N4BP2: variants seen among roughly 807,000 people sequenced by gnomAD.
The protein encoded by N4BP2 is NEDD4-binding protein 2.
A neutral mutation model predicts 152.8 loss-of-function variants in N4BP2; 91 were observed. That is an observed-to-expected ratio of 0.60 (90% confidence interval 0.50 to 0.71). The LOEUF (loss-of-function observed/expected upper bound fraction) is 0.71. Among genes scored for constraint, N4BP2 ranks in the 30% least tolerant of loss-of-function variants. The pLI is 0.00. For synonymous variants in N4BP2, 646 were observed against 705.3 expected (o/e 0.92, Z 1.33); for missense variants, 1,923 against 2,059.1 (o/e 0.93, Z 1.28).
At chr4:40,101,527 A>G (rs1285362528) in intron 3 of N4BP2, among the ~76,000 whole-genome samples, 1 of 152,168 alleles carries the variant, frequency 6.6e-6, no homozygotes, top group Non-Finnish European at 1.5e-5. Context: ...TTAAATCTCT[A>G]TTAGATTGCA....
At chr4:40,149,915 AAAAG>A (rs1411545204) in intron 16 of N4BP2, among the ~76,000 whole-genome samples, 2 of 151,948 alleles carry the variant, frequency 1.3e-5, no homozygotes, top group African/African-American at 2.4e-5. Context: ...AAAAAAAAAA[AAAAG>A]AAAGAAAAGA....
At chr4:40,080,355 A>AT (rs1272845175) in intron 2 of N4BP2, among the ~76,000 whole-genome samples, 305 of 144,468 alleles carry the variant, frequency 2.1e-3, no homozygotes, top group African/African-American at 6.4e-3. Context: ...TATATATATA[A>AT]TTTTTTTTTT....
intron 4 of N4BP2, among the ~76,000 whole-genome samples, chr4:40,104,007 T>C (rs1261236283): frequency 6.6e-6 from 1 of 152,044 alleles, no homozygotes; most frequent in Non-Finnish European, 1.5e-5. Flanking sequence ...CAGGCTGGAG[T>C]GCAGTGGCGC....
the N4BP2 span, among the ~76,000 whole-genome samples, chr4:40,181,133 G>A: frequency 6.6e-6 from 1 of 152,126 alleles, no homozygotes; most frequent in Non-Finnish European, 1.5e-5. Context: ...CTGGGTGACA[G>A]AGCGAGAGTC....
At chr4:40,131,027 T>A (rs1186786494) in intron 12 of N4BP2, among the ~76,000 whole-genome samples, 1 of 151,178 alleles carries the variant, frequency 6.6e-6, no homozygotes, top group Non-Finnish European at 1.5e-5. Flanking sequence ...TAAATATATT[T>A]GTGAAAAACT....
chr4:40,125,906 AT>A (rs375797305), intron 11 of N4BP2, among the ~76,000 whole-genome samples: 3,830 of 80,136 alleles, frequency 0.048, 118 homozygotes, highest in African/African-American at 0.098. Flanking sequence ...AAAAAAAAAA[AT>A]TATACACAGA....
chr4:40,070,709 G>A (rs1049655963), intron 1 of N4BP2, among the ~76,000 whole-genome samples: 8 of 151,820 alleles, frequency 5.3e-5, no homozygotes, highest in Middle Eastern at 3.2e-3. Context: ...CCTTGGCCTC[G>A]CAAAGTGCTG....
At chr4:40,187,354 A>C in the N4BP2 span, among the ~76,000 whole-genome samples, 7 of 114,878 alleles carry the variant, frequency 6.1e-5, no homozygotes, top group South Asian at 1.7e-3. Context: ...ACATTTGTGC[A>C]AAAAAAAATT....
rs1410771779 is a variant in N4BP2, at chr4:40,060,886, C to T, written c.-212+3856C>T. 3.3e-5 allele frequency among the ~76,000 whole-genome samples: 5 copies of T among 152,192 alleles called. No individual in the cohort carries two copies. In the South Asian group the frequency reaches 6.2e-4, roughly 19 times the overall value. Reference sequence around the variant, plus strand: ...TCCCAAGTTGCTGGGAATATGGGCCCGAGCCATCACGCCTGGCCTGTTTTT... The same window carrying T: ...TCCCAAGTTGCTGGGAATATGGGCCTGAGCCATCACGCCTGGCCTGTTTTT... On this transcript the variant is annotated intron_variant, in intron 1 of 17. Transcript: ENST00000261435.
the N4BP2 span, among the ~76,000 whole-genome samples, chr4:40,186,136 C>T: frequency 1.3e-5 from 2 of 152,066 alleles, no homozygotes; most frequent in African/African-American, 2.4e-5. Context: ...TCTGGAATCC[C>T]TTGTTTTTGG....
chr4:40,140,049 C>T (rs1719775413), intron 14 of N4BP2, among the ~76,000 whole-genome samples: 1 of 151,938 alleles, frequency 6.6e-6, no homozygotes, highest in Admixed American at 6.6e-5. Flanking sequence ...ACCTTGGCCT[C>T]CCAAAGTGCT....
chr4:40,117,934 T>C lies in N4BP2; in HGVS notation c.1730T>C (p.Val577Ala). The C allele has an allele frequency of 6.2e-7, 1 of 1,613,014 alleles. No individual in the cohort carries two copies. Among genetic ancestry groups the C allele is most frequent in the Non-Finnish European group, 8.5e-7 (1 of 1,179,476 alleles). Residue 577 changes from valine (V) to alanine (A), a missense_variant, in exon 8 of 18, where the codon GTT (valine) becomes GCT (alanine). Val to Ala is a moderately conservative substitution (Grantham distance 64). Coordinates refer to ENST00000261435, the MANE Select transcript of N4BP2 (RefSeq NM_018177.6). The stretch of plus-strand genomic sequence containing the variant: ...ATGTTGGAACATTATCAACGTTTTG[T>C]TTCAGTGCCAATAATTATGAGTTCT... ...TRMLEHYQRF[V>A]SVPIIMSSSV...
chr4:40,106,995 G>A lies in N4BP2; in HGVS notation c.1469G>A (p.Gly490Glu). 1.2e-6 allele frequency: 2 copies of A among 1,613,704 alleles called. No homozygotes were observed. Among genetic ancestry groups the A allele is most frequent in the East Asian group, 2.2e-5 (1 of 44,854 alleles). ...GQYQFDVKYL[G>E]EAHEWNQNRA... Reference sequence around the variant, plus strand: ...TACCAGTTTGATGTAAAGTACTTAGGAGAAGCACATGAATGGAACCAGAAT... The same window carrying A: ...TACCAGTTTGATGTAAAGTACTTAGAAGAAGCACATGAATGGAACCAGAAT... The change falls in exon 5 of 18, where the codon GGA becomes GAA. Residue 490 changes from glycine to glutamate, a missense_variant. Coordinates refer to ENST00000261435, the MANE Select transcript of N4BP2 (RefSeq NM_018177.6).
chr4:40,123,746 A>G (rs1473928574), intron 10 of N4BP2, among the ~76,000 whole-genome samples: 1 of 151,982 alleles, frequency 6.6e-6, no homozygotes, highest in Non-Finnish European at 1.5e-5. Context: ...TGGCCTCCCA[A>G]AGTGTTGGGA....
At chr4:40,058,427 G>C (rs192448340) in intron 1 of N4BP2, among the ~76,000 whole-genome samples, 56 of 152,296 alleles carry the variant, frequency 3.7e-4, no homozygotes, top group Non-Finnish European at 7.4e-4. Flanking sequence ...GCTAGGATGG[G>C]GGGTAGGAGC....
At chr4:40,086,740 TA>T (rs528567991) in intron 2 of N4BP2, among the ~76,000 whole-genome samples, 5 of 152,038 alleles carry the variant, frequency 3.3e-5, no homozygotes, top group East Asian at 1.9e-4. Context: ...TATATAGATT[TA>T]AAAAAATTAT....
At chr4:40,080,925 C>A (rs912927958) in intron 2 of N4BP2, among the ~76,000 whole-genome samples, 4 of 151,850 alleles carry the variant, frequency 2.6e-5, no homozygotes, top group African/African-American at 4.8e-5. Context: ...CTCAGCCTCC[C>A]AAAGTGCTGG....
intron 2 of N4BP2, among the ~76,000 whole-genome samples, chr4:40,082,455 A>T (rs535951654): frequency 6.6e-6 from 1 of 152,274 alleles, no homozygotes; most frequent in South Asian, 2.1e-4. Context: ...ACATTTATTC[A>T]AAAAAGTATA....
At chr4:40,058,495 G>C (rs1733399296) in intron 1 of N4BP2, among the ~76,000 whole-genome samples, 1 of 152,152 alleles carries the variant, frequency 6.6e-6, no homozygotes, top group Non-Finnish European at 1.5e-5. Flanking sequence ...CTGCTCTTTT[G>C]CAAGGAGGCT....
Sources: gnomAD v4.1 joint callset for allele counts (sites outside exome capture counted in the v4.1 genomes callset) on GRCh38, gnomAD v4.1.1 for gene constraint, MANE v1.5 for transcripts, NCBI Gene and HGNC (gene_info 2026-07-23, HGNC 2026-07-21) for gene names.